The following PBX1 variants were observed in gnomAD, a reference collection of about 807,000 sequenced individuals.
PBX1 encodes pre-B-cell leukemia transcription factor 1.
In PBX1, 6 loss-of-function variants were observed where a neutral mutation model predicts 53.4. That is an observed-to-expected ratio of 0.11 (90% CI 0.06 to 0.22). PBX1 has a LOEUF of 0.22. Among genes scored for constraint, PBX1 ranks in the 10% least tolerant of loss-of-function variants. The probability of loss-of-function intolerance (pLI) is 1.00; values close to 1 mark genes in which losing one functional copy is unlikely to be tolerated. For synonymous variants in PBX1, 204 were observed against 212.3 expected, an observed-to-expected ratio of 0.96 and a Z score of 0.34; for missense variants, 251 against 551.4, an observed-to-expected ratio of 0.46 and a Z score of 5.46.
intron 2 of PBX1, among the ~76,000 whole-genome samples, chr1:164,739,021 A>G (rs1019723893): frequency 6.6e-6 from 1 of 152,080 alleles, no homozygotes; most frequent in Non-Finnish European, 1.5e-5. Context: ...GGCTTATTTC[A>G]TGATATGTTT....
At chr1:164,650,711 G>T (rs867458429) in intron 2 of PBX1, among the ~76,000 whole-genome samples, 1 of 152,032 alleles carries the variant, frequency 6.6e-6, no homozygotes, top group South Asian at 2.1e-4. Context: ...TCCTCTAGGT[G>T]TGCACATTAA....
At chr1:164,667,041 C>G (rs1660846801) in intron 2 of PBX1, among the ~76,000 whole-genome samples, 1 of 151,778 alleles carries the variant, frequency 6.6e-6, no homozygotes, top group African/African-American at 2.4e-5. Flanking sequence ...AAGAATAGAG[C>G]CTGACATCGT....
rs1671758919 is a variant in PBX1, at chr1:164,850,129, T to C, written c.*3453T>C. On this transcript the variant is annotated 3_prime_UTR_variant, in exon 9 of 9. Transcript: ENST00000420696. ...GACCCTCATAGCACGCAAAACAGGATGGGGAATTTCCCCTCTTCTTTCTGT... is the reference window on the plus strand; with the variant it reads ...GACCCTCATAGCACGCAAAACAGGACGGGGAATTTCCCCTCTTCTTTCTGT... 8.8e-6 allele frequency: 2 copies of C among 228,310 alleles called. No homozygotes were observed. Among genetic ancestry groups the C allele is most frequent in the East Asian group, 1.3e-4 (2 of 15,898 alleles). 14.1% of individuals were successfully genotyped at this position (228,310 alleles called of 1,614,324 possible).
chr1:164,792,627 G>T lies in PBX1; in HGVS notation c.399G>T (p.Ala133=). The T allele has an allele frequency of 6.2e-7, 1 of 1,613,728 alleles. No individual in the cohort carries two copies. Among genetic ancestry groups the T allele is most frequent in the Non-Finnish European group, 8.5e-7 (1 of 1,179,814 alleles). The part of the protein sequence containing the change: ...GGGSAAAAAA[A]AASGGAGSDN... ...GGTCGGCGGCAGCGGCGGCAGCGGC[G>T]GCGGCTTCTGGAGGGGCAGGTTCAG... The change falls in exon 3 of 9, where the codon GCG becomes GCT. Residue 133 remains alanine, a synonymous_variant. Coordinates refer to ENST00000420696, the MANE Select transcript of PBX1 (RefSeq NM_002585.4).
chr1:164,663,165 C>T lies in PBX1; in HGVS notation c.265+99854C>T, dbSNP rs924548664. Among the ~76,000 whole-genome samples the T allele has an allele frequency of 4.4e-3, 623 of 141,906 alleles. 5 individuals carry two copies. The highest frequency in any genetic ancestry group is 0.015 in the African/African-American group (585 of 39,624). The allele number at this position is 141,906 out of a possible 152,430, so 93.1% of individuals were successfully genotyped here. A position where few individuals can be genotyped will look rare whatever the true frequency, so the allele number is the denominator to read the frequency against. On this transcript the variant is annotated intron_variant, in intron 2 of 8. Coordinates refer to ENST00000420696, the MANE Select transcript of PBX1 (RefSeq NM_002585.4). ...TTCTGCCTGCCTTCTTGCCTGCCTG[C>T]CTTCCTTCCTGCCTTCCTTCCTGTC...
intron 6 of PBX1, chr1:164,818,946 A>G (rs1670010744): frequency 6.6e-6 from 1 of 152,214 alleles, no homozygotes; most frequent in Non-Finnish European, 1.5e-5. Flanking sequence ...GTGATTCCAC[A>G]CTGATGATGG....
chr1:164,731,328 A>C (rs965778065), intron 2 of PBX1, among the ~76,000 whole-genome samples: 2 of 151,030 alleles, frequency 1.3e-5, no homozygotes, highest in East Asian at 1.9e-4. Context: ...AAAAAAAAAA[A>C]CTCTCTTGGC....
intron 2 of PBX1, among the ~76,000 whole-genome samples, chr1:164,707,961 C>T (rs546894690): frequency 6.6e-6 from 1 of 152,360 alleles, no homozygotes; most frequent in South Asian, 2.1e-4. Context: ...AGGCATGCAG[C>T]AAGGTCCATG....
intron 2 of PBX1, among the ~76,000 whole-genome samples, chr1:164,675,922 T>C (rs1425803102): frequency 6.6e-6 from 1 of 152,186 alleles, no homozygotes; most frequent in Admixed American, 6.5e-5. Flanking sequence ...ACTCTTGCAG[T>C]TTGAGTCTGG....
At chr1:164,759,451 A>G (rs1666697651) in intron 2 of PBX1, among the ~76,000 whole-genome samples, 2 of 152,210 alleles carry the variant, frequency 1.3e-5, no homozygotes. Flanking sequence ...ACCCCGGGTG[A>G]CACAGAATCC....
At chr1:164,869,550 G>A (rs1009626452) in intron 2 of PBX1, among the ~76,000 whole-genome samples, 2 of 152,110 alleles carry the variant, frequency 1.3e-5, no homozygotes, top group Non-Finnish European at 2.9e-5. Flanking sequence ...AGAGTTTACC[G>A]AGCACCTTCT....
intron 2 of PBX1, among the ~76,000 whole-genome samples, chr1:164,623,372 GCA>G (rs1657820316): frequency 6.6e-6 from 1 of 152,188 alleles, no homozygotes; most frequent in Admixed American, 6.5e-5. Context: ...GGGGAGATGG[GCA>G]CACCCGTGTG....
At position 164,799,621 on chromosome 1, in the gene PBX1, C is replaced by A. The variant is rs563863054; in HGVS notation, c.511-78C>A. 4.3e-4 allele frequency: 560 copies of A among 1,298,820 alleles called. 2 individuals are homozygous for A. The highest frequency in any genetic ancestry group is 5.3e-4 in the Non-Finnish European group (499 of 944,028). 80.5% of individuals were successfully genotyped at this position (1,298,820 alleles called of 1,614,324 possible). On this transcript the variant is annotated intron_variant, in intron 3 of 8. Transcript: ENST00000420696. ...TTGCACAAGTCTCTAGAAAAGCCCA[C>A]GTGGCCTAATGTCATAGACTTGATG...
At chr1:164,776,384 T>G (rs1288078701) in intron 2 of PBX1, among the ~76,000 whole-genome samples, 2 of 152,158 alleles carry the variant, frequency 1.3e-5, no homozygotes, top group Non-Finnish European at 2.9e-5. Context: ...GGCTGTGGCA[T>G]GTGATTTAGA....
At chr1:164,873,121 G>A (rs890511594) in intron 2 of PBX1, among the ~76,000 whole-genome samples, 4 of 152,266 alleles carry the variant, frequency 2.6e-5, no homozygotes, top group Non-Finnish European at 5.9e-5. Context: ...GTATATGGTC[G>A]AGACAGGATT....
intron 2 of PBX1, among the ~76,000 whole-genome samples, chr1:164,593,034 T>C (rs1251316292): frequency 6.6e-6 from 1 of 152,034 alleles, no homozygotes; most frequent in African/African-American, 2.4e-5. Context: ...CTTGGCTCAC[T>C]GCAACCTCTG....
intron 8 of PBX1, among the ~76,000 whole-genome samples, chr1:164,828,244 C>G (rs1184835298): frequency 6.6e-6 from 1 of 152,020 alleles, no homozygotes; most frequent in Non-Finnish European, 1.5e-5. Flanking sequence ...AACAGTATCA[C>G]ATTTAGGCTG....
intron 2 of PBX1, among the ~76,000 whole-genome samples, chr1:164,662,020 C>T (rs993191026): frequency 6.6e-6 from 1 of 152,052 alleles, no homozygotes; most frequent in Non-Finnish European, 1.5e-5. Flanking sequence ...GAAGAGCCCT[C>T]CTTTAAATAC....
At chr1:164,702,501 A>C (rs753488624) in intron 2 of PBX1, among the ~76,000 whole-genome samples, 28 of 152,152 alleles carry the variant, frequency 1.8e-4, no homozygotes, top group Non-Finnish European at 2.5e-4. Flanking sequence ...TTTTGAGTTG[A>C]CCAAGGTGGG....
Sources: allele counts gnomAD v4.1 joint callset (sites outside exome capture counted in the v4.1 genomes callset), GRCh38; gene constraint gnomAD v4.1.1; transcripts MANE v1.5; gene names NCBI Gene and HGNC (gene_info 2026-07-23, HGNC 2026-07-21).